Variants in TMEM178A observed in about 807,000 individuals in gnomAD.
The protein encoded by TMEM178A is transmembrane protein 178.
A neutral mutation model predicts 29.1 loss-of-function variants in TMEM178A; 12 were observed. That is an observed-to-expected ratio of 0.41 (90% CI 0.26 to 0.67). The LOEUF (loss-of-function observed/expected upper bound fraction) is 0.67. Among genes scored for constraint, TMEM178A ranks in the 30% least tolerant of loss-of-function variants. The pLI is 0.29. For missense variants in TMEM178A, 366 were observed against 419.1 expected, an observed-to-expected ratio of 0.87 and a Z score of 1.11; for synonymous variants, 210 against 187.2, an observed-to-expected ratio of 1.12 and a Z score of -0.99.
chr2:39,669,426 A>G (rs1194372660), intron 1 of TMEM178A, among the ~76,000 whole-genome samples: 1 of 152,236 alleles, frequency 6.6e-6, no homozygotes, highest in African/African-American at 2.4e-5. Flanking sequence ...TAATTTAGAA[A>G]TATGCAAGGC....
At position 39,704,105 on chromosome 2, in the gene TMEM178A, T is replaced by C. The variant is rs529348012; in HGVS notation, c.425T>C (p.Ile142Thr). 17 of 1,614,144 alleles carry C rather than the reference T, an allele frequency of 1.1e-5. No individual in the cohort carries two copies. The highest frequency in any genetic ancestry group is 2.2e-5 in the East Asian group (1 of 44,892). The change falls in exon 2 of 4, where the codon ATC becomes ACC. Residue 142 changes from isoleucine to threonine, a missense_variant. Physicochemically the swap from Ile to Thr is moderately conservative, Grantham distance 89. This residue lies in a region of TMEM178A where 247 missense variants were observed against 246.8 expected (regional missense o/e 1.00). Transcript: ENST00000281961. ...GGTATTGCGCAGCGATGCACGGCCA[T>C]CAAGTACCACTTTTCTCAGCCCATC... Reference protein sequence around the residue: ...LKGIAQRCTAIKYHFSQPIRL... With the variant: ...LKGIAQRCTATKYHFSQPIRL...
chr2:39,724,857 A>G, the TMEM178A span, among the ~76,000 whole-genome samples: 1 of 152,242 alleles, frequency 6.6e-6, no homozygotes. Flanking sequence ...CCAAGTATCT[A>G]TATTCCTGCA....
At chr2:39,699,558 G>A (rs1295522038) in intron 1 of TMEM178A, among the ~76,000 whole-genome samples, 1 of 150,710 alleles carries the variant, frequency 6.6e-6, no homozygotes, top group Non-Finnish European at 1.5e-5. Flanking sequence ...CTGGGCTTAA[G>A]CAATCTTCCC....
At chr2:39,667,020 A>G (rs1227649025) in intron 1 of TMEM178A, among the ~76,000 whole-genome samples, 1 of 152,166 alleles carries the variant, frequency 6.6e-6, no homozygotes, top group Non-Finnish European at 1.5e-5. Context: ...TTCAGAGACC[A>G]ATCGTTGGCT....
chr2:39,681,573 ATTTGGAAATATG>A (rs1245089372), intron 1 of TMEM178A, among the ~76,000 whole-genome samples: 2 of 152,296 alleles, frequency 1.3e-5, no homozygotes, highest in African/African-American at 4.8e-5. Flanking sequence ...TGGTGTCTTG[ATTTGGAAATATG>A]TTTCTTAGAA....
chr2:39,697,218 T>G (rs1008880962), intron 1 of TMEM178A, among the ~76,000 whole-genome samples: 1 of 152,228 alleles, frequency 6.6e-6, no homozygotes, highest in African/African-American at 2.4e-5. Flanking sequence ...GCTTGATATG[T>G]TCTGTCAAGC....
intron 3 of TMEM178A, among the ~76,000 whole-genome samples, chr2:39,708,865 TCTTTC>T (rs1196370442): frequency 6.6e-6 from 1 of 152,086 alleles, no homozygotes; most frequent in Admixed American, 6.5e-5. Context: ...AGGGAAGAAA[TCTTTC>T]CTTTCTTCTC....
chr2:39,687,630 A>G (rs1671139111), intron 1 of TMEM178A, among the ~76,000 whole-genome samples: 1 of 152,144 alleles, frequency 6.6e-6, no homozygotes, highest in South Asian at 2.1e-4. Flanking sequence ...CAGGGAAAGG[A>G]GCTTTTCTAT....
intron 1 of TMEM178A, among the ~76,000 whole-genome samples, chr2:39,672,177 C>T (rs1427930631): frequency 6.6e-6 from 1 of 152,172 alleles, no homozygotes; most frequent in African/African-American, 2.4e-5. Flanking sequence ...ATTCTTGCCA[C>T]TCTGCCATCA....
At chr2:39,680,156 A>G (rs1480823370) in intron 1 of TMEM178A, among the ~76,000 whole-genome samples, 2 of 152,104 alleles carry the variant, frequency 1.3e-5, no homozygotes, top group Non-Finnish European at 2.9e-5. Flanking sequence ...ACCTCTTCAG[A>G]TCTTGATTTT....
intron 1 of TMEM178A, among the ~76,000 whole-genome samples, chr2:39,684,357 AT>A (rs1421239477): frequency 1.3e-5 from 2 of 152,218 alleles, no homozygotes; most frequent in African/African-American, 2.4e-5. Context: ...AAGGAAAAAA[AT>A]AATCTGTTAT....
chr2:39,731,901 C>A, the TMEM178A span, among the ~76,000 whole-genome samples: 2 of 152,162 alleles, frequency 1.3e-5, no homozygotes, highest in Admixed American at 1.3e-4. Context: ...GGGCACTGGG[C>A]AGGCAATCTT....
intron 1 of TMEM178A, among the ~76,000 whole-genome samples, chr2:39,685,013 C>T (rs999858445): frequency 6.6e-6 from 1 of 152,186 alleles, no homozygotes; most frequent in Non-Finnish European, 1.5e-5. Flanking sequence ...CCTTATATTA[C>T]TGCCTCTAAT....
the TMEM178A span, among the ~76,000 whole-genome samples, chr2:39,729,459 A>C: frequency 6.6e-6 from 1 of 152,210 alleles, no homozygotes; most frequent in African/African-American, 2.4e-5. Context: ...GTGGGACTCA[A>C]ACATTGGAAA....
intron 3 of TMEM178A, among the ~76,000 whole-genome samples, chr2:39,707,448 C>A (rs1311143379): frequency 6.6e-6 from 1 of 152,036 alleles, no homozygotes; most frequent in African/African-American, 2.4e-5. Context: ...TGAGCCCAGT[C>A]TGTTTTTTTG....
Position 39,666,031 on chromosome 2 carries a change from G to A in TMEM178A, c.57G>A (p.Leu19=). The A allele has an allele frequency of 6.4e-7, 1 of 1,554,372 alleles. No individual in the cohort carries two copies. The highest frequency in any genetic ancestry group is 1.9e-5 in the Admixed American group (1 of 52,322). ...GCCTCGGCCTCAGCCTGTGCTCCCT[G>A]GGGCTGCTCGTCACGGCCATCTTCA... is the stretch of plus-strand genomic sequence containing the variant. The part of the protein sequence containing the change: ...ALSLGLSLCS[L]GLLVTAIFTD... Residue 19 remains leucine, a synonymous_variant, in exon 1 of 4, where the codon CTG becomes CTA. Transcript: ENST00000281961.
At chr2:39,670,958 ATG>A (rs1670385928) in intron 1 of TMEM178A, among the ~76,000 whole-genome samples, 2 of 152,198 alleles carry the variant, frequency 1.3e-5, no homozygotes, top group Non-Finnish European at 2.9e-5. Context: ...CAGAAAATTA[ATG>A]TGTTTTGTTT....
chr2:39,718,392 C>A (rs1672628784), downstream of TMEM178A, among the ~76,000 whole-genome samples: 1 of 152,174 alleles, frequency 6.6e-6, no homozygotes, highest in Admixed American at 6.5e-5. Context: ...AGGGCCTCAC[C>A]CCAGACCAAT....
intron 1 of TMEM178A, among the ~76,000 whole-genome samples, chr2:39,668,121 C>T (rs1056523380): frequency 1.3e-5 from 2 of 152,224 alleles, no homozygotes; most frequent in Non-Finnish European, 2.9e-5. Flanking sequence ...TTGCACAATG[C>T]CTCTGCAAAT....
Sources: allele counts gnomAD v4.1 joint callset (sites outside exome capture counted in the v4.1 genomes callset), GRCh38; gene constraint gnomAD v4.1.1; regional missense constraint gnomAD v4.1.1; transcripts MANE v1.5; gene names NCBI Gene and HGNC (gene_info 2026-07-23, HGNC 2026-07-21).